Variants in RBFOX1 observed in about 807,000 individuals in gnomAD.
The protein encoded by RBFOX1 is RNA binding fox-1 homolog 1, also known as RNA binding protein fox-1 homolog 1.
RBFOX1 carries 8 observed loss-of-function variants against 57.7 expected under a neutral mutation model. That is an observed-to-expected ratio of 0.14 (90% CI 0.08 to 0.25). RBFOX1 has a LOEUF of 0.25. Ranked by LOEUF, RBFOX1 falls within the 10% of genes least tolerant of loss-of-function variation. The pLI is 1.00. For synonymous variants in RBFOX1, 326 were observed against 222.4 expected (o/e 1.47, Z -4.15); for missense variants, 611 against 548.5 (o/e 1.11, Z -1.14).
chr16:6,847,678 A>G (rs750922599), intron 3 of RBFOX1, among the ~76,000 whole-genome samples: 1 of 152,164 alleles, frequency 6.6e-6, no homozygotes, highest in Non-Finnish European at 1.5e-5. Flanking sequence ...CAAGAGGCTG[A>G]TACGGTTATT....
intron 1 of RBFOX1, among the ~76,000 whole-genome samples, chr16:5,274,639 G>T (rs1171436273): frequency 1.3e-5 from 2 of 152,180 alleles, no homozygotes; most frequent in Non-Finnish European, 2.9e-5. Flanking sequence ...TGGCTTTATT[G>T]GCAAGACTGA....
intron 13 of RBFOX1, among the ~76,000 whole-genome samples, chr16:7,667,194 G>T (rs1040387883): frequency 6.6e-6 from 1 of 152,136 alleles, no homozygotes; most frequent in Non-Finnish European, 1.5e-5. Flanking sequence ...AGACCTTCCT[G>T]AATATTTTGC....
rs370908973 is a variant in RBFOX1 at position 5,846,163 on chromosome 16, CAG to C, written c.319-21137_319-21136del. Among the ~76,000 whole-genome samples the C allele has an allele frequency of 5.1e-3, 749 of 146,608 alleles. 6 individuals carry two copies. The highest frequency in any genetic ancestry group is 0.018 in the African/African-American group (715 of 39,510). On this transcript the variant is annotated intron_variant, in intron 3 of 19. Coordinates refer to the RBFOX1 transcript ENST00000641259. ...TGCCACTGCACTCCAGCCTGGGCGA[CAG>C]AGTGAGGCACTGTCTTAAAAAAAAA...
At chr16:7,145,390 A>G (rs1600896891) in intron 4 of RBFOX1, among the ~76,000 whole-genome samples, 1 of 152,036 alleles carries the variant, frequency 6.6e-6, no homozygotes, top group Non-Finnish European at 1.5e-5. Context: ...TATTTTAAAT[A>G]CAGACGGGGT....
chr16:7,359,102 C>A (rs1012688755), intron 4 of RBFOX1, among the ~76,000 whole-genome samples: 1 of 152,136 alleles, frequency 6.6e-6, no homozygotes, highest in Non-Finnish European at 1.5e-5. Flanking sequence ...GTACAGAAAA[C>A]TGTGGGTGAG....
At chr16:5,582,393 G>A (rs376701377) in intron 2 of RBFOX1, among the ~76,000 whole-genome samples, 1 of 152,124 alleles carries the variant, frequency 6.6e-6, no homozygotes, top group Admixed American at 6.5e-5. Context: ...ACTGGCCGTC[G>A]TGATTGGCAT....
At chr16:7,699,061 T>G (rs368586783) in intron 14 of RBFOX1, among the ~76,000 whole-genome samples, 2 of 152,148 alleles carry the variant, frequency 1.3e-5, no homozygotes, top group East Asian at 1.9e-4. Context: ...TTTGTCGCCT[T>G]CCCCTGCCCC....
intron 4 of RBFOX1, among the ~76,000 whole-genome samples, chr16:7,499,204 C>T (rs1173087000): frequency 6.6e-6 from 1 of 152,156 alleles, no homozygotes; most frequent in Non-Finnish European, 1.5e-5. Context: ...CAATCTGCCC[C>T]ATGCTGCTCT....
intron 1 of RBFOX1, among the ~76,000 whole-genome samples, chr16:6,297,986 G>C (rs772516032): frequency 1.3e-4 from 20 of 152,196 alleles, no homozygotes; most frequent in Non-Finnish European, 2.8e-4. Flanking sequence ...AGTTCTTTCG[G>C]GGTGCTGGAG....
At chr16:6,997,980 G>A (rs2092413766) in intron 3 of RBFOX1, among the ~76,000 whole-genome samples, 1 of 150,948 alleles carries the variant, frequency 6.6e-6, no homozygotes, top group African/African-American at 2.5e-5. Context: ...CAGCTTGGCA[G>A]TCCTAGCAAA....
chr16:5,940,950 C>G (rs1419459305), intron 4 of RBFOX1, among the ~76,000 whole-genome samples: 1 of 152,120 alleles, frequency 6.6e-6, no homozygotes, highest in Non-Finnish European at 1.5e-5. Flanking sequence ...AATCTCAATT[C>G]TGCCCCTTAA....
intron 3 of RBFOX1, among the ~76,000 whole-genome samples, chr16:6,786,104 A>C (rs1198415284): frequency 3.3e-5 from 5 of 152,142 alleles, no homozygotes; most frequent in Admixed American, 3.3e-4. Context: ...GGGCTTTGTC[A>C]CTTTGGCAAA....
chr16:7,536,382 C>T (rs2081473376), intron 5 of RBFOX1, among the ~76,000 whole-genome samples: 1 of 152,088 alleles, frequency 6.6e-6, no homozygotes, highest in Non-Finnish European at 1.5e-5. Context: ...TCTCTTGAGG[C>T]AAGGAGTTCA....
intron 3 of RBFOX1, among the ~76,000 whole-genome samples, chr16:6,788,194 C>A (rs946328239): frequency 2.0e-5 from 3 of 152,036 alleles, no homozygotes; most frequent in Non-Finnish European, 4.4e-5. Context: ...TGCACTCCAG[C>A]CTGCAACAAA....
chr16:5,496,491 A>C (rs1012332935), intron 2 of RBFOX1, among the ~76,000 whole-genome samples: 6 of 151,484 alleles, frequency 4.0e-5, no homozygotes, highest in Non-Finnish European at 8.8e-5. Context: ...CTCTCTAGTC[A>C]CATCTTCTTT....
At chr16:6,974,642 G>C (rs1200266764) in intron 3 of RBFOX1, among the ~76,000 whole-genome samples, 1 of 152,018 alleles carries the variant, frequency 6.6e-6, no homozygotes. Context: ...ACTGCACCTG[G>C]CCCATAAATC....
chr16:6,296,701 T>C (rs2078157613), intron 1 of RBFOX1, among the ~76,000 whole-genome samples: 1 of 152,194 alleles, frequency 6.6e-6, no homozygotes, highest in Non-Finnish European at 1.5e-5. Context: ...ATTACAGACG[T>C]GAGCCACCGT....
chr16:6,959,753 ATGG>A (rs1223349546), intron 3 of RBFOX1, among the ~76,000 whole-genome samples: 1 of 152,154 alleles, frequency 6.6e-6, no homozygotes, highest in Non-Finnish European at 1.5e-5. Context: ...CCTGGCCAAC[ATGG>A]TGAAACCCCG....
chr16:6,347,233 C>G (rs950042062), intron 2 of RBFOX1, among the ~76,000 whole-genome samples: 1 of 152,102 alleles, frequency 6.6e-6, no homozygotes. Context: ...AGAAGAGAGT[C>G]AACTAGGGAA....
Sources: allele counts gnomAD v4.1 joint callset (sites outside exome capture counted in the v4.1 genomes callset), GRCh38; gene constraint gnomAD v4.1.1; transcripts MANE v1.5; gene names NCBI Gene and HGNC (gene_info 2026-07-23, HGNC 2026-07-21).